OPCML: variants seen among roughly 807,000 people sequenced by gnomAD.
OPCML encodes opioid-binding protein/cell adhesion molecule.
In OPCML, 13 loss-of-function variants were observed where a neutral mutation model predicts 37.8. The observed-to-expected ratio is 0.34, with a 90% confidence interval of 0.22 to 0.55. OPCML has a LOEUF of 0.55. OPCML is among the 20% of genes least tolerant of loss of function. OPCML has a pLI of 0.91. For synonymous variants in OPCML, 176 were observed against 168.8 expected, an observed-to-expected ratio of 1.04 and a Z score of -0.33; for missense variants, 341 against 435.6, an observed-to-expected ratio of 0.78 and a Z score of 1.93.
chr11:133,086,932 T>A (rs978261306), intron 1 of OPCML, among the ~76,000 whole-genome samples: 1 of 152,230 alleles, frequency 6.6e-6, no homozygotes, highest in Admixed American at 6.5e-5. Context: ...TATGAGCTTA[T>A]TCTCAAATCA....
intron 1 of OPCML, among the ~76,000 whole-genome samples, chr11:133,094,318 CCATA>C (rs1370711508): frequency 6.6e-6 from 1 of 152,124 alleles, no homozygotes; most frequent in African/African-American, 2.4e-5. Flanking sequence ...GCCAAATTTA[CCATA>C]CAAAGTTTAG....
intron 4 of OPCML, among the ~76,000 whole-genome samples, chr11:132,465,068 G>C (rs1351226535): frequency 6.6e-6 from 1 of 151,952 alleles, no homozygotes; most frequent in South Asian, 2.1e-4. Context: ...ATGTCTATAT[G>C]GATCTGCCAC....
chr11:132,701,929 A>G (rs569473329), intron 2 of OPCML, among the ~76,000 whole-genome samples: 2 of 151,914 alleles, frequency 1.3e-5, no homozygotes, highest in South Asian at 4.2e-4. Context: ...GATAAATCTT[A>G]ATTTCAACCA....
At chr11:133,305,132 GA>G (rs916124398) in intron 1 of OPCML, among the ~76,000 whole-genome samples, 2 of 151,824 alleles carry the variant, frequency 1.3e-5, no homozygotes, top group African/African-American at 2.4e-5. Flanking sequence ...TATCAAAGGA[GA>G]AAAAAAACCT....
At chr11:132,775,563 AC>A (rs1946780821) in intron 2 of OPCML, among the ~76,000 whole-genome samples, 1 of 152,098 alleles carries the variant, frequency 6.6e-6, no homozygotes, top group South Asian at 2.1e-4. Context: ...AGATAACCTT[AC>A]CCCTCTCCAG....
At chr11:132,507,405 G>T (rs576622672) in intron 4 of OPCML, among the ~76,000 whole-genome samples, 19 of 151,828 alleles carry the variant, frequency 1.3e-4, no homozygotes, top group Middle Eastern at 3.4e-3. Flanking sequence ...TATACCATAT[G>T]AATTATATAT....
chr11:133,312,994 G>T (rs1943102120), intron 1 of OPCML, among the ~76,000 whole-genome samples: 1 of 152,194 alleles, frequency 6.6e-6, no homozygotes, highest in Non-Finnish European at 1.5e-5. Flanking sequence ...ATCAATAAAT[G>T]AATGAGTGAT....
At chr11:133,030,356 G>A (rs989980728) in intron 1 of OPCML, among the ~76,000 whole-genome samples, 2 of 152,170 alleles carry the variant, frequency 1.3e-5, no homozygotes, top group South Asian at 2.1e-4. Context: ...CCCCAAGTAC[G>A]ATAATGGTAG....
At chr11:133,415,416 A>C (rs1170202772) in intron 1 of OPCML, among the ~76,000 whole-genome samples, 1 of 152,080 alleles carries the variant, frequency 6.6e-6, no homozygotes, top group Non-Finnish European at 1.5e-5. Context: ...TCTAAAAAAA[A>C]AAAAAAGCAG....
intron 1 of OPCML, among the ~76,000 whole-genome samples, chr11:133,355,165 T>C (rs1208842476): frequency 6.6e-6 from 1 of 152,200 alleles, no homozygotes; most frequent in African/African-American, 2.4e-5. Flanking sequence ...AAATTTGAAG[T>C]CGATGCCAAT....
intron 4 of OPCML, among the ~76,000 whole-genome samples, chr11:132,452,312 G>A (rs550530595): frequency 2.4e-4 from 36 of 152,164 alleles, no homozygotes; most frequent in Middle Eastern, 3.4e-3. Context: ...GCACCAAGCT[G>A]GGGGAGGATG....
chr11:132,653,366 GTCAC>G (rs1941533493), intron 3 of OPCML, among the ~76,000 whole-genome samples: 1 of 152,196 alleles, frequency 6.6e-6, no homozygotes, highest in African/African-American at 2.4e-5. Context: ...GGGGATGGGA[GTCAC>G]TCCTGCCTGC....
At chr11:133,390,731 A>G (rs981232300) in intron 1 of OPCML, among the ~76,000 whole-genome samples, 1 of 152,162 alleles carries the variant, frequency 6.6e-6, no homozygotes, top group African/African-American at 2.4e-5. Context: ...TAACAACTCA[A>G]TGCAGTTTGG....
At chr11:133,128,600 C>T (rs183202279) in intron 1 of OPCML, among the ~76,000 whole-genome samples, 18 of 152,260 alleles carry the variant, frequency 1.2e-4, no homozygotes, top group African/African-American at 4.3e-4. Flanking sequence ...TCAGAAGAAG[C>T]GTGAGTCTCC....
intron 4 of OPCML, among the ~76,000 whole-genome samples, chr11:132,470,768 C>A (rs1385842130): frequency 6.6e-6 from 1 of 152,160 alleles, no homozygotes; most frequent in African/African-American, 2.4e-5. Flanking sequence ...AGGATTGAAA[C>A]CCAGATTGTC....
At chr11:133,024,608 CT>C in intron 1 of OPCML, 1 of 968,042 alleles carries the variant, frequency 1.0e-6, no homozygotes, top group South Asian at 4.8e-5. Context: ...TTAATTGCAA[CT>C]TGCAAAACAT....
At chr11:133,006,209 G>T in intron 1 of OPCML, 1 of 773,616 alleles carries the variant, frequency 1.3e-6, no homozygotes, top group Non-Finnish European at 1.6e-6. Flanking sequence ...GGAGGAGCCT[G>T]GCCCCTCGTC....
intron 1 of OPCML, among the ~76,000 whole-genome samples, chr11:133,331,069 C>A (rs1392383899): frequency 6.6e-6 from 1 of 152,124 alleles, no homozygotes; most frequent in Non-Finnish European, 1.5e-5. Flanking sequence ...AAGTGAGGAT[C>A]CAGGAGTAAA....
At chr11:133,039,839 C>T (rs1245906185) in intron 1 of OPCML, among the ~76,000 whole-genome samples, 1 of 151,996 alleles carries the variant, frequency 6.6e-6, no homozygotes, top group African/African-American at 2.4e-5. Context: ...ACCAGCCTGG[C>T]CAACTTACTG....
Sources: allele counts gnomAD v4.1 joint callset (sites outside exome capture counted in the v4.1 genomes callset), GRCh38; gene constraint gnomAD v4.1.1; transcripts MANE v1.5; gene names NCBI Gene and HGNC (gene_info 2026-07-23, HGNC 2026-07-21).